The following ADAMTS19 variants were observed in gnomAD, a reference collection of about 807,000 sequenced individuals.
ADAMTS19 encodes ADAM metallopeptidase with thrombospondin type 1 motif 19, also known as A disintegrin and metalloproteinase with thrombospondin motifs 19.
In ADAMTS19, 93 loss-of-function variants were observed where a neutral mutation model predicts 153.3. The ratio of observed to expected loss-of-function variants is 0.61; its 90% CI spans 0.51 to 0.72. The LOEUF (loss-of-function observed/expected upper bound fraction) is 0.72, where lower values mean the gene tolerates loss of function less well. ADAMTS19 is among the 30% of genes least tolerant of loss of function. The probability of loss-of-function intolerance (pLI) is 0.00; values close to 1 mark genes in which losing one functional copy is unlikely to be tolerated. For missense variants in ADAMTS19, 1,482 were observed against 1,552.1 expected, an observed-to-expected ratio of 0.95 and a Z score of 0.76; for synonymous variants, 600 against 556.6, an observed-to-expected ratio of 1.08 and a Z score of -1.10.
rs563709991 is a variant in ADAMTS19 at position 129,581,494 on chromosome 5, CTTCT to C, written c.1373-15058_1373-15055del. Among the ~76,000 whole-genome samples, 636 of 149,856 alleles carry C rather than the reference CTTCT, an allele frequency of 4.2e-3. 5 individuals are homozygous for C. The highest frequency in any genetic ancestry group is 0.015 in the African/African-American group (606 of 40,946). ...TGTCTATTTGATTCTTCTCTCTTTT[CTTCT>C]TTCTTTATCTGGCTAGTGGTCTATA... On this transcript the variant is annotated intron_variant, in intron 7 of 22. Coordinates refer to ENST00000274487, the MANE Select transcript of ADAMTS19 (RefSeq NM_133638.6).
rs546388606 is a variant in ADAMTS19, at chr5:129,721,788, T to A, written c.3313-13144T>A. Among the ~76,000 whole-genome samples, 197 of 152,182 alleles carry A rather than the reference T, an allele frequency of 1.3e-3. 1 individual carries two copies. The Middle Eastern group carries it at 0.014, about 11-fold the overall frequency. Reference sequence around the variant, plus strand: ...CCCCAACAGGCCCCAGTCTGTGTTGTCGCCCTCCCTGTGTCCATGTATTCT... The same window carrying A: ...CCCCAACAGGCCCCAGTCTGTGTTGACGCCCTCCCTGTGTCCATGTATTCT... On this transcript the variant is annotated intron_variant, in intron 21 of 22. Transcript: ENST00000274487.
At chr5:129,556,152 T>C (rs945652997) in intron 7 of ADAMTS19, among the ~76,000 whole-genome samples, 1 of 152,162 alleles carries the variant, frequency 6.6e-6, no homozygotes, top group Non-Finnish European at 1.5e-5. Flanking sequence ...TATAGTTATG[T>C]AGATGGTTTG....
chr5:129,632,780 A>G (rs1305661492), intron 10 of ADAMTS19, among the ~76,000 whole-genome samples: 1 of 152,016 alleles, frequency 6.6e-6, no homozygotes, highest in African/African-American at 2.4e-5. Flanking sequence ...ATTTCCCTGT[A>G]AGTAATCTGT....
At chr5:129,676,285 A>G (rs565514495) in intron 16 of ADAMTS19, among the ~76,000 whole-genome samples, 2 of 152,266 alleles carry the variant, frequency 1.3e-5, no homozygotes, top group South Asian at 4.1e-4. Context: ...TTACTTGCAG[A>G]TCAGCTTAAC....
In ADAMTS19 at chr5:129,700,917, A is replaced by G. The variant is rs531689794; in HGVS notation, c.2955-471A>G. Reference sequence around the variant, plus strand: ...TGTGTTTGGTTAAAAAAAAAAAGGTATAAAGTCTCCATGTAACATTCTGCT... The same window carrying G: ...TGTGTTTGGTTAAAAAAAAAAAGGTGTAAAGTCTCCATGTAACATTCTGCT... On this transcript the variant is annotated intron_variant, in intron 19 of 22. Transcript: ENST00000274487. 2.0e-5 allele frequency among the ~76,000 whole-genome samples: 3 copies of G among 151,996 alleles called. No homozygotes were observed. The East Asian group carries it at 5.8e-4, about 30-fold the overall frequency.
intron 16 of ADAMTS19, among the ~76,000 whole-genome samples, chr5:129,677,075 G>A (rs1754582783): frequency 6.6e-6 from 1 of 152,008 alleles, no homozygotes; most frequent in Non-Finnish European, 1.5e-5. Flanking sequence ...GAAAAACAAG[G>A]AAATAATTTA....
intron 21 of ADAMTS19, among the ~76,000 whole-genome samples, chr5:129,723,595 A>C (rs1279348254): frequency 6.6e-6 from 1 of 152,226 alleles, no homozygotes; most frequent in Non-Finnish European, 1.5e-5. Context: ...TGTGAGCCAC[A>C]GCATAGACAT....
Position 129,461,553 on chromosome 5 carries a change from C to T in ADAMTS19, c.543C>T (p.Asp181=), listed in dbSNP as rs1189511284. The change falls in exon 2 of 23, where the codon GAC becomes GAT. Residue 181 remains aspartate, a synonymous_variant. Transcript: ENST00000274487. This position sits in a 1 kb window ranked among gnomAD's most constrained non-coding sequence, Gnocchi z 4.6. ...VLLRIPAFSR[D]LYLLLRRDGR... ...TGCGGATCCCGGCCTTCTCTCGGGACCTGTACCTGCTGCTCCGGAGAGACG... is the reference window on the plus strand; with the variant it reads ...TGCGGATCCCGGCCTTCTCTCGGGATCTGTACCTGCTGCTCCGGAGAGACG... 2 of 1,544,752 alleles carry T rather than the reference C, an allele frequency of 1.3e-6. No individual in the cohort carries two copies. The highest frequency in any genetic ancestry group is 2.3e-5 in the South Asian group (2 of 85,878).
chr5:129,639,218 T>C (rs948796241), intron 10 of ADAMTS19, among the ~76,000 whole-genome samples: 3 of 152,204 alleles, frequency 2.0e-5, no homozygotes, highest in Non-Finnish European at 2.9e-5. Context: ...TTGTCTCTAA[T>C]ATAATACCCG....
intron 2 of ADAMTS19, among the ~76,000 whole-genome samples, chr5:129,501,457 T>A (rs151116815): frequency 2.1e-3 from 315 of 152,262 alleles, no homozygotes; most frequent in African/African-American, 6.7e-3. Context: ...GCTATTGATA[T>A]CAAATTTTGG....
chr5:129,711,574 G>A (rs559107281), intron 21 of ADAMTS19, among the ~76,000 whole-genome samples: 3 of 152,134 alleles, frequency 2.0e-5, no homozygotes, highest in Admixed American at 6.5e-5. Context: ...CTCCTGGGTA[G>A]GCTGAGGCAG....
At chr5:129,527,684 C>A in intron 4 of ADAMTS19, 64 bp from the exon 5 acceptor site, 4 of 771,384 alleles carry the variant, frequency 5.2e-6, no homozygotes, top group Non-Finnish European at 8.4e-6. Context: ...CATGTATGGG[C>A]CTTGAGAAAA....
intron 6 of ADAMTS19, among the ~76,000 whole-genome samples, chr5:129,543,050 T>TG (rs1262510546): frequency 6.5e-5 from 9 of 139,318 alleles, no homozygotes; most frequent in Admixed American, 4.9e-4. Flanking sequence ...GTTGTTTTGT[T>TG]TTTTTTTTTT....
chr5:129,516,324 G>T (rs1751605937), intron 3 of ADAMTS19, among the ~76,000 whole-genome samples: 1 of 137,764 alleles, frequency 7.3e-6, no homozygotes. Flanking sequence ...GAATGACTTT[G>T]GAAGTATTCC....
At chr5:129,527,616 CT>C (rs370814072) in intron 4 of ADAMTS19, 131 bp from the exon 5 acceptor site, 12,446 of 176,292 alleles carry the variant, frequency 0.071, 28 homozygotes, top group South Asian at 0.12. Flanking sequence ...GCTTTACAAG[CT>C]TTTTTTTTTT....
chr5:129,467,261 T>C (rs144841269), intron 2 of ADAMTS19, among the ~76,000 whole-genome samples: 3 of 152,258 alleles, frequency 2.0e-5, no homozygotes, highest in East Asian at 3.9e-4. Flanking sequence ...AGATGGTGTG[T>C]GGCGTATTAA....
At chr5:129,694,617 A>T in intron 18 of ADAMTS19, 103 bp from the exon 19 acceptor site, 6 of 769,980 alleles carry the variant, frequency 7.8e-6, no homozygotes, top group Non-Finnish European at 1.0e-5. Context: ...ATTATAAAAA[A>T]GTTTTTTAAA....
chr5:129,549,979 CATGTATCTGTAT>C (rs1255182785), intron 6 of ADAMTS19, among the ~76,000 whole-genome samples: 2 of 132,344 alleles, frequency 1.5e-5, no homozygotes, highest in African/African-American at 2.8e-5. Flanking sequence ...TATACATATA[CATGTATCTGTAT>C]ATGTATCTAG....
intron 6 of ADAMTS19, among the ~76,000 whole-genome samples, 164 bp from the exon 7 acceptor site, chr5:129,551,699 TC>T (rs1203174186): frequency 2.0e-5 from 3 of 151,844 alleles, no homozygotes; most frequent in African/African-American, 7.2e-5. Context: ...TAATTAATCT[TC>T]CATATCTTAG....
Sources: allele counts gnomAD v4.1 joint callset (sites outside exome capture counted in the v4.1 genomes callset), GRCh38; gene constraint gnomAD v4.1.1; non-coding constraint Gnocchi (gnomAD v3.1); transcripts MANE v1.5; gene names NCBI Gene and HGNC (gene_info 2026-07-23, HGNC 2026-07-21).